The following CLRN1 variants were observed in gnomAD, a reference collection of about 807,000 sequenced individuals.
CLRN1 encodes clarin-1.
A neutral mutation model predicts 18.7 loss-of-function variants in CLRN1; 15 were observed. The ratio of observed to expected loss-of-function variants is 0.80; its 90% CI spans 0.54 to 1.23. The LOEUF (loss-of-function observed/expected upper bound fraction) is 1.23. Ranked by LOEUF, CLRN1 falls within the 50% of genes most tolerant of loss-of-function variation. CLRN1 has a pLI of 0.00. For missense variants in CLRN1, 311 were observed against 277.5 expected, an observed-to-expected ratio of 1.12 and a Z score of -0.86; for synonymous variants, 104 against 102.9, an observed-to-expected ratio of 1.01 and a Z score of -0.07.
intron 1 of CLRN1, 103 bp from the exon 2 acceptor site, chr3:150,941,864 T>C: frequency 9.4e-7 from 1 of 1,068,228 alleles, no homozygotes; most frequent in Non-Finnish European, 1.4e-6. Flanking sequence ...CAAACATCAC[T>C]AAAATCCTTC....
At chr3:150,954,274 G>T (rs1714631966) in intron 1 of CLRN1, among the ~76,000 whole-genome samples, 1 of 152,160 alleles carries the variant, frequency 6.6e-6, no homozygotes, top group South Asian at 2.1e-4. Context: ...AGTCCTACTT[G>T]TTCCACATTC....
chr3:150,971,830 C>G (rs1715552092), intron 1 of CLRN1, among the ~76,000 whole-genome samples: 1 of 152,216 alleles, frequency 6.6e-6, no homozygotes, highest in African/African-American at 2.4e-5. Context: ...GAAAATCTCT[C>G]TCATATTCTC....
chr3:150,950,221 C>G (rs1383875077), intron 1 of CLRN1, among the ~76,000 whole-genome samples: 1 of 152,114 alleles, frequency 6.6e-6, no homozygotes, highest in Non-Finnish European at 1.5e-5. Flanking sequence ...AGAAGACAAC[C>G]TAGGCAATAT....
chr3:150,965,406 A>C (rs1379549705), intron 1 of CLRN1, among the ~76,000 whole-genome samples: 2 of 152,214 alleles, frequency 1.3e-5, no homozygotes. Context: ...TATCAATATC[A>C]TTCTATCATT....
In CLRN1 at chr3:150,941,617, C is replaced by A. The variant is rs1382572163; in HGVS notation, c.398G>T (p.Gly133Val). The A allele has an allele frequency of 1.9e-6, 3 of 1,613,842 alleles. No homozygotes were observed. Among genetic ancestry groups the A allele is most frequent in the East Asian group, 4.5e-5 (2 of 44,874 alleles). Reference protein sequence around the residue: ...AFGKPFETLHGPLGLYLLSFI... With the variant: ...AFGKPFETLHVPLGLYLLSFI... ...GCTCAAAAGGTACAGCCCTAGGGGA[C>A]CATGCAGAGTTTCAAAAGGTTTTCC... Residue 133 changes from glycine to valine, a missense_variant, in exon 2 of 3, where the codon GGT becomes GTT. Gly to Val is a moderately radical substitution (Grantham distance 109). Transcript: ENST00000327047.
At chr3:150,959,664 A>T (rs1432603058) in intron 1 of CLRN1, among the ~76,000 whole-genome samples, 1 of 151,698 alleles carries the variant, frequency 6.6e-6, no homozygotes, top group African/African-American at 2.4e-5. Flanking sequence ...GGAGGGTAAT[A>T]AGAATAAGGT....
In CLRN1 at chr3:150,927,127, A is replaced by C. The variant is rs972993152; in HGVS notation, c.*809T>G. 3 of 706,838 alleles carry C rather than the reference A, an allele frequency of 4.2e-6. No homozygotes were observed. In the African/African-American group the frequency reaches 5.3e-5, roughly 12 times the overall value. 43.8% of individuals were successfully genotyped at this position (706,838 alleles called of 1,614,324 possible). On this transcript the variant is annotated 3_prime_UTR_variant, in exon 3 of 3. Transcript: ENST00000327047. ...CTCAGTGGTCCTAACAATTATGTTC[A>C]TTGAAAGTACTGTCGTGAATGTAAT... is the stretch of plus-strand genomic sequence containing the variant.
In CLRN1 at chr3:150,926,903, G is replaced by GA. The variant is rs768607634; in HGVS notation, c.*1032dup. The GA allele has an allele frequency of 4.2e-5, 68 of 1,603,794 alleles. No individual in the cohort carries two copies. The highest frequency in any genetic ancestry group is 4.8e-5 in the Non-Finnish European group (56 of 1,173,028). ...GATCAATTTGATGGGTAATTCAGGG[G>GA]AAAAAAAAAGTTGACCTGGGTCATG... On this transcript the variant is annotated 3_prime_UTR_variant, in exon 3 of 3. Transcript: ENST00000327047.
chr3:150,956,912 C>T (rs17221381), intron 1 of CLRN1, among the ~76,000 whole-genome samples: 10,098 of 152,222 alleles, frequency 0.066, 348 homozygotes, highest in South Asian at 0.089. Flanking sequence ...TTATGAAGTG[C>T]TCAGAAATAT....
chr3:150,959,336 C>A (rs765122782), intron 1 of CLRN1, among the ~76,000 whole-genome samples: 13 of 152,014 alleles, frequency 8.6e-5, no homozygotes, highest in Non-Finnish European at 1.3e-4. Flanking sequence ...ATGTTATTTT[C>A]AATAGGTTAC....
intron 2 of CLRN1, among the ~76,000 whole-genome samples, chr3:150,931,086 G>T (rs1713110125): frequency 6.6e-6 from 1 of 152,182 alleles, no homozygotes; most frequent in African/African-American, 2.4e-5. Flanking sequence ...TTCAGTGACT[G>T]CTAAGAGATA....
At chr3:150,940,516 G>C in intron 2 of CLRN1, 1 of 1,534,472 alleles carries the variant, frequency 6.5e-7, no homozygotes, top group Non-Finnish European at 8.7e-7. Flanking sequence ...CAGCCAAAGG[G>C]CAACTTCAGG....
rs536650478 is a variant in CLRN1 at position 150,957,394 on chromosome 3, A to G, written c.253+15062T>C. Among the ~76,000 whole-genome samples the G allele has an allele frequency of 8.7e-4, 133 of 152,178 alleles. 2 individuals carry two copies. Among genetic ancestry groups the G allele is most frequent in the African/African-American group, 2.9e-3 (122 of 41,528 alleles). ...CTCCCAGTCCCTCCTTAGCTCCTTC[A>G]GGGACCTCCCTTCCCCACCACTTCA... On this transcript the variant is annotated intron_variant, in intron 1 of 2. Coordinates refer to ENST00000327047, the MANE Select transcript of CLRN1 (RefSeq NM_174878.3).
intron 1 of CLRN1, among the ~76,000 whole-genome samples, chr3:150,959,831 A>C (rs1714939417): frequency 6.6e-6 from 1 of 152,026 alleles, no homozygotes; most frequent in East Asian, 1.9e-4. Context: ...TTTATTCTGA[A>C]ACTTTGTTAA....
At chr3:150,966,268 C>T (rs184859668) in intron 1 of CLRN1, among the ~76,000 whole-genome samples, 2 of 152,340 alleles carry the variant, frequency 1.3e-5, no homozygotes, top group Non-Finnish European at 2.9e-5. Context: ...GAGCTGTGAT[C>T]ACACCACTGC....
chr3:150,927,907 C>A lies in CLRN1; in HGVS notation c.*29G>T. 13 of 1,613,550 alleles carry A rather than the reference C, an allele frequency of 8.1e-6. No individual in the cohort carries two copies. Among genetic ancestry groups the A allele is most frequent in the Non-Finnish European group, 1.1e-5 (13 of 1,179,812 alleles). ...AAAAGTGACCAAAGCAAGTCTACTC[C>A]CTTGTAAAATTATAGAAAGGTTTGC... On this transcript the variant is annotated 3_prime_UTR_variant, in exon 3 of 3. Transcript: ENST00000327047.
intron 2 of CLRN1, chr3:150,940,658 C>G: frequency 1.3e-6 from 1 of 762,038 alleles, no homozygotes; most frequent in Non-Finnish European, 2.0e-6. Flanking sequence ...AGTGTTGGAT[C>G]TTTTTGCAAA....
At chr3:150,946,270 A>G (rs1714165350) in intron 1 of CLRN1, among the ~76,000 whole-genome samples, 1 of 152,218 alleles carries the variant, frequency 6.6e-6, no homozygotes, top group Non-Finnish European at 1.5e-5. Context: ...CCTATGAGGT[A>G]GGTACCATTA....
chr3:150,931,964 G>C (rs1713176258), intron 2 of CLRN1, among the ~76,000 whole-genome samples: 2 of 152,270 alleles, frequency 1.3e-5, no homozygotes, highest in African/African-American at 4.8e-5. Context: ...CCCAGGTTTT[G>C]CTGCCCAGTG....
Sources: allele counts gnomAD v4.1 joint callset (sites outside exome capture counted in the v4.1 genomes callset), GRCh38; gene constraint gnomAD v4.1.1; transcripts MANE v1.5; gene names NCBI Gene and HGNC (gene_info 2026-07-23, HGNC 2026-07-21).